The following C9orf72 variants were observed in gnomAD, a reference collection of about 807,000 sequenced individuals.
C9orf72 encodes C9orf72-SMCR8 complex subunit, also known as guanine nucleotide exchange factor C9orf72.
In C9orf72, 44 loss-of-function variants were observed where a neutral mutation model predicts 51.6. That is an observed-to-expected ratio of 0.85 (90% CI 0.67 to 1.10). The LOEUF is 1.10. Ranked by LOEUF, C9orf72 falls within the 50% of genes least tolerant of loss-of-function variation. C9orf72 has a pLI of 0.00. For synonymous variants in C9orf72, 213 were observed against 194.2 expected (o/e 1.10, Z -0.81); for missense variants, 607 against 570.6 (o/e 1.06, Z -0.65).
intron 5 of C9orf72, chr9:27,561,136 A>G (rs1819337404): frequency 4.2e-5 from 22 of 521,794 alleles, no homozygotes; most frequent in Non-Finnish European, 5.0e-5. Flanking sequence ...GCCCACGGGT[A>G]CACAGCATTA....
rs757343343 is a variant in C9orf72 at position 27,566,716 on chromosome 9, T to TA, written c.404dup (p.Leu135PhefsTer14). Reference sequence around the variant, plus strand: ...TTCTTCCTTTCCGGATTATATGTGTTAATCTATCAACACACACTCTATGAA... The same window carrying TA: ...TTCTTCCTTTCCGGATTATATGTGTTAAATCTATCAACACACACTCTATGAA... On this transcript the variant is annotated frameshift_variant, in exon 2 of 11. Transcript: ENST00000380003. LOFTEE classifies it high-confidence loss of function. The TA allele has an allele frequency of 6.2e-7, 1 of 1,612,402 alleles. No individual in the cohort carries two copies. Among genetic ancestry groups the TA allele is most frequent in the Non-Finnish European group, 8.5e-7 (1 of 1,179,040 alleles).
intron 5 of C9orf72, 61 bp downstream of exon 5, chr9:27,561,524 C>T: frequency 6.3e-7 from 1 of 1,596,698 alleles, no homozygotes; most frequent in South Asian, 1.1e-5. Flanking sequence ...CAAATCTTGT[C>T]ATAGGTGAGC....
At chr9:27,552,928 C>CT (rs1648221265) in intron 8 of C9orf72, among the ~76,000 whole-genome samples, 1 of 151,970 alleles carries the variant, frequency 6.6e-6, no homozygotes, top group Non-Finnish European at 1.5e-5. Context: ...CTGAAGTTTT[C>CT]TTTTTTCTGT....
intron 2 of C9orf72, among the ~76,000 whole-genome samples, chr9:27,566,136 G>A (rs1819461866): frequency 6.6e-6 from 1 of 152,096 alleles, no homozygotes; most frequent in African/African-American, 2.4e-5. Context: ...ATACTGAAAT[G>A]TAAATAGCAT....
At chr9:27,565,702 C>T (rs1183344994) in intron 2 of C9orf72, 112 bp from the exon 3 acceptor site, 6 of 683,446 alleles carry the variant, frequency 8.8e-6, no homozygotes, top group Non-Finnish European at 1.5e-5. Flanking sequence ...AAAATACTTT[C>T]TACTTTAGGG....
chr9:27,551,193 C>T (rs908940765), intron 8 of C9orf72, among the ~76,000 whole-genome samples: 7 of 152,098 alleles, frequency 4.6e-5, no homozygotes, highest in Admixed American at 1.3e-4. Flanking sequence ...GAACACACTC[C>T]GATGATTATC....
chr9:27,551,202 T>G (rs937761540), intron 8 of C9orf72, among the ~76,000 whole-genome samples: 7 of 152,164 alleles, frequency 4.6e-5, no homozygotes, highest in African/African-American at 1.7e-4. Flanking sequence ...CCGATGATTA[T>G]CCACTGGGTT....
chr9:27,549,929 G>C (rs917807639), intron 9 of C9orf72, among the ~76,000 whole-genome samples: 1 of 151,480 alleles, frequency 6.6e-6, no homozygotes, highest in Non-Finnish European at 1.5e-5. Context: ...ACTTTAGAAA[G>C]ACCAGACACT....
At chr9:27,552,943 T>A in intron 8 of C9orf72, among the ~76,000 whole-genome samples, 1 of 152,144 alleles carries the variant, frequency 6.6e-6, no homozygotes, top group East Asian at 1.9e-4. Flanking sequence ...TTCTGTTGTG[T>A]CTCTGCCAGG....
chr9:27,559,005 A>G (rs1819275518), intron 6 of C9orf72: 1 of 153,826 alleles, frequency 6.5e-6, no homozygotes, highest in African/African-American at 2.4e-5. Flanking sequence ...TCCAAAAAGA[A>G]GAGAATTAAT....
chr9:27,565,324 A>G (rs986395063), intron 3 of C9orf72, among the ~76,000 whole-genome samples: 6 of 152,044 alleles, frequency 3.9e-5, no homozygotes, highest in Non-Finnish European at 7.4e-5. Context: ...TAATTTGTAG[A>G]TGCAATTACT....
chr9:27,564,043 A>G (rs1819412120), intron 3 of C9orf72, among the ~76,000 whole-genome samples: 1 of 151,962 alleles, frequency 6.6e-6, no homozygotes, highest in African/African-American at 2.4e-5. Flanking sequence ...CGGGAAGAAT[A>G]ATTTTGGGAA....
At chr9:27,548,527 G>C in intron 10 of C9orf72, 30 bp downstream of exon 10, 1 of 1,504,800 alleles carries the variant, frequency 6.6e-7, no homozygotes, top group African/African-American at 1.4e-5. Flanking sequence ...ATGTACAAAG[G>C]TTTTTCTTCC....
chr9:27,554,611 C>T, intron 8 of C9orf72: 1 of 398,280 alleles, frequency 2.5e-6, no homozygotes, highest in Non-Finnish European at 4.4e-6. Context: ...CACACCTGCA[C>T]ATGTACACAT....
intron 1 of C9orf72, among the ~76,000 whole-genome samples, chr9:27,571,497 C>T (rs189529947): frequency 6.6e-6 from 1 of 152,218 alleles, no homozygotes; most frequent in African/African-American, 2.4e-5. Context: ...GTTTTGTCAT[C>T]CAGGCTGGAA....
chr9:27,569,184 G>T (rs1178497198), intron 1 of C9orf72, among the ~76,000 whole-genome samples: 1 of 152,064 alleles, frequency 6.6e-6, no homozygotes, highest in African/African-American at 2.4e-5. Context: ...TGTGTTTCAA[G>T]CTAAGTATTT....
At chr9:27,566,318 A>G (rs942254905) in intron 2 of C9orf72, among the ~76,000 whole-genome samples, 2 of 152,154 alleles carry the variant, frequency 1.3e-5, no homozygotes, top group African/African-American at 4.8e-5. Context: ...ATTACTTTGA[A>G]CTGTTATACT....
rs1820776554 is a variant in C9orf72 at position 27,546,730 on chromosome 9, T to G, written c.*1506A>C. 6.6e-6 allele frequency: 1 copy of G among 152,102 alleles called. No homozygotes were observed. Among genetic ancestry groups the G allele is most frequent in the Non-Finnish European group, 1.5e-5 (1 of 68,014 alleles). 9.4% of individuals were successfully genotyped at this position (152,102 alleles called of 1,614,324 possible). On this transcript the variant is annotated 3_prime_UTR_variant, in exon 11 of 11. Transcript: ENST00000380003. ...AGAATCTACCATGTAAAAAACACAG[T>G]ATGGGACACTACAAGGTAGTATTTA...
At chr9:27,560,161 G>A in intron 6 of C9orf72, 66 bp downstream of exon 6, 5 of 1,043,630 alleles carry the variant, frequency 4.8e-6, no homozygotes, top group Non-Finnish European at 6.9e-6. Flanking sequence ...CCATTTAAAT[G>A]ACAATCCATG....
Sources: allele counts gnomAD v4.1 joint callset (sites outside exome capture counted in the v4.1 genomes callset), GRCh38; gene constraint gnomAD v4.1.1; transcripts MANE v1.5; gene names NCBI Gene and HGNC (gene_info 2026-07-23, HGNC 2026-07-21).